The following PCDH15 variants were observed in gnomAD, a reference collection of about 807,000 sequenced individuals.
The protein encoded by PCDH15 is protocadherin-15.
A neutral mutation model predicts 178.5 loss-of-function variants in PCDH15; 129 were observed. The ratio of observed to expected loss-of-function variants is 0.72; its 90% CI spans 0.63 to 0.84. The LOEUF (loss-of-function observed/expected upper bound fraction) is 0.84, where lower values mean the gene tolerates loss of function less well. PCDH15 is among the 40% of genes least tolerant of loss of function. PCDH15 has a pLI of 0.00. For synonymous variants in PCDH15, 800 were observed against 732.0 expected, an observed-to-expected ratio of 1.09 and a Z score of -1.50; for missense variants, 2,230 against 2,099.9, an observed-to-expected ratio of 1.06 and a Z score of -1.21.
chr10:54,613,219 A>G (rs1015842658), intron 2 of PCDH15, among the ~76,000 whole-genome samples: 1 of 151,914 alleles, frequency 6.6e-6, no homozygotes, highest in Admixed American at 6.6e-5. Context: ...TTTCTAAAGT[A>G]TGCCTTAGAA....
At chr10:55,297,969 AACATTTGGGAGAGGAGATGGAGTG>A (rs2132274833) in intron 1 of PCDH15, among the ~76,000 whole-genome samples, 1 of 152,200 alleles carries the variant, frequency 6.6e-6, no homozygotes, top group East Asian at 1.9e-4. Context: ...CCACAATACT[AACATTTGGGAGAGGAGATGGAGTG>A]GCTCTTAAAG....
chr10:55,613,672 T>A (rs978578770), intron 2 of PCDH15, among the ~76,000 whole-genome samples: 3 of 152,210 alleles, frequency 2.0e-5, no homozygotes, highest in Non-Finnish European at 4.4e-5. Flanking sequence ...ATTAAATGAA[T>A]CTGTGAAAGT....
At chr10:54,814,728 A>T (rs1952921275) in intron 3 of PCDH15, among the ~76,000 whole-genome samples, 1 of 152,088 alleles carries the variant, frequency 6.6e-6, no homozygotes, top group South Asian at 2.1e-4. Flanking sequence ...CAATTTTTTG[A>T]ATTTTTGCAA....
intron 1 of PCDH15, among the ~76,000 whole-genome samples, chr10:55,184,078 T>C (rs1480344477): frequency 6.6e-6 from 1 of 151,912 alleles, no homozygotes; most frequent in African/African-American, 2.4e-5. Context: ...AGACAGTGTA[T>C]GTGACCCTGC....
At chr10:54,003,231 TTAG>T (rs1288344240) in intron 20 of PCDH15, among the ~76,000 whole-genome samples, 2 of 151,880 alleles carry the variant, frequency 1.3e-5, no homozygotes, top group Non-Finnish European at 2.9e-5. Context: ...GAAGCCAAAA[TTAG>T]TAGAAGAAAA....
chr10:54,927,452 A>G (rs1591788810), intron 2 of PCDH15, among the ~76,000 whole-genome samples: 1 of 152,040 alleles, frequency 6.6e-6, no homozygotes, highest in Non-Finnish European at 1.5e-5. Context: ...TATCAGATTC[A>G]TTTGATCTAA....
chr10:55,046,417 G>T (rs887921106), intron 2 of PCDH15, among the ~76,000 whole-genome samples: 1 of 152,008 alleles, frequency 6.6e-6, no homozygotes, highest in Non-Finnish European at 1.5e-5. Context: ...TAACTGGCCT[G>T]TAAGGCTTTG....
chr10:55,416,632 A>C (rs1400418784), intron 2 of PCDH15, among the ~76,000 whole-genome samples: 1 of 151,650 alleles, frequency 6.6e-6, no homozygotes, highest in Non-Finnish European at 1.5e-5. Flanking sequence ...AGGAAAAGCT[A>C]AATTCAGAGT....
At chr10:55,016,636 T>C (rs905472057) in intron 2 of PCDH15, among the ~76,000 whole-genome samples, 3 of 152,200 alleles carry the variant, frequency 2.0e-5, no homozygotes, top group African/African-American at 7.2e-5. Context: ...CCAACTTTTC[T>C]TTATGCAATC....
At chr10:53,978,963 C>T (rs938413334) in intron 21 of PCDH15, among the ~76,000 whole-genome samples, 3 of 152,280 alleles carry the variant, frequency 2.0e-5, no homozygotes, top group East Asian at 3.9e-4. Flanking sequence ...CAACAAATCT[C>T]TATGAAGTTC....
intron 1 of PCDH15, among the ~76,000 whole-genome samples, chr10:55,257,712 A>G (rs1041693299): frequency 2.0e-5 from 3 of 152,172 alleles, no homozygotes; most frequent in Non-Finnish European, 4.4e-5. Flanking sequence ...TCCAAGAAAT[A>G]TGGGACTATG....
At chr10:55,448,575 A>T (rs1159777675) in intron 2 of PCDH15, among the ~76,000 whole-genome samples, 1 of 152,006 alleles carries the variant, frequency 6.6e-6, no homozygotes, top group Non-Finnish European at 1.5e-5. Context: ...CAAAGTGTAG[A>T]ACTTCTTACT....
chr10:54,367,477 T>C (rs1429730801), intron 5 of PCDH15, among the ~76,000 whole-genome samples: 2 of 152,002 alleles, frequency 1.3e-5, no homozygotes, highest in African/African-American at 4.8e-5. Context: ...GAAAGAAGGA[T>C]GAACTATGAA....
intron 18 of PCDH15, among the ~76,000 whole-genome samples, chr10:54,034,800 G>A (rs1217643939): frequency 1.3e-5 from 2 of 151,822 alleles, no homozygotes; most frequent in Non-Finnish European, 2.9e-5. Flanking sequence ...TTCCTCAGCA[G>A]CAGGCTTTAT....
At chr10:54,671,601 T>C (rs2094674806) in intron 1 of PCDH15, among the ~76,000 whole-genome samples, 1 of 152,178 alleles carries the variant, frequency 6.6e-6, no homozygotes, top group African/African-American at 2.4e-5. Flanking sequence ...AATTGACAGA[T>C]GAAAATTTGA....
chr10:54,490,177 A>G (rs1163799505), intron 3 of PCDH15, among the ~76,000 whole-genome samples: 1 of 152,184 alleles, frequency 6.6e-6, no homozygotes, highest in Non-Finnish European at 1.5e-5. Context: ...ATGGCTGAGC[A>G]TGGTGGCTCA....
At chr10:55,448,094 T>C (rs989068218) in intron 2 of PCDH15, among the ~76,000 whole-genome samples, 1 of 151,974 alleles carries the variant, frequency 6.6e-6, no homozygotes, top group African/African-American at 2.4e-5. Context: ...TACATATTAC[T>C]TGATAAAATT....
chr10:54,737,108 A>G (rs1384629547), intron 1 of PCDH15, among the ~76,000 whole-genome samples: 1 of 152,122 alleles, frequency 6.6e-6, no homozygotes, highest in Admixed American at 6.6e-5. Context: ...TTCTCACAGA[A>G]GACATGAAAG....
At chr10:55,368,270 A>G (rs1429862550) in intron 2 of PCDH15, among the ~76,000 whole-genome samples, 1 of 152,122 alleles carries the variant, frequency 6.6e-6, no homozygotes, top group African/African-American at 2.4e-5. Context: ...ACATCATTTT[A>G]TATTGTTTAT....
Sources: gnomAD v4.1 joint callset for allele counts (sites outside exome capture counted in the v4.1 genomes callset) on GRCh38, gnomAD v4.1.1 for gene constraint, MANE v1.5 for transcripts, NCBI Gene and HGNC (gene_info 2026-07-23, HGNC 2026-07-21) for gene names.